Variants in ABI3BP observed in about 807,000 individuals in gnomAD.
The protein encoded by ABI3BP is ABI family member 3 binding protein.
A neutral mutation model predicts 268.6 loss-of-function variants in ABI3BP; 216 were observed. The observed-to-expected ratio is 0.80, with a 90% CI of 0.72 to 0.90. ABI3BP has a LOEUF of 0.90. ABI3BP is among the 40% of genes least tolerant of loss of function. The probability of loss-of-function intolerance (pLI) is 0.00; values close to 1 mark genes in which losing one functional copy is unlikely to be tolerated. For synonymous variants in ABI3BP, 730 were observed against 730.0 expected (o/e 1.00, Z 0.00); for missense variants, 2,090 against 2,182.4 (o/e 0.96, Z 0.84).
chr3:100,793,222 G>GA (rs1482696432), intron 54 of ABI3BP, among the ~76,000 whole-genome samples: 2 of 151,816 alleles, frequency 1.3e-5, no homozygotes, highest in African/African-American at 4.8e-5. Flanking sequence ...TTTCTCATGT[G>GA]AAAATCAGAG....
chr3:100,923,632 A>G (rs967582850), intron 2 of ABI3BP, among the ~76,000 whole-genome samples: 2 of 152,228 alleles, frequency 1.3e-5, no homozygotes, highest in Non-Finnish European at 1.5e-5. Flanking sequence ...ATGAAAATTT[A>G]CCCTGCCTTT....
intron 2 of ABI3BP, among the ~76,000 whole-genome samples, chr3:100,925,423 T>C (rs1182909886): frequency 2.3e-5 from 1 of 42,728 alleles, no homozygotes; most frequent in Admixed American, 3.1e-4. Flanking sequence ...ATATATTTAT[T>C]TATTTATTTG....
intron 61 of ABI3BP, among the ~76,000 whole-genome samples, chr3:100,771,199 C>T (rs1023211890): frequency 6.6e-6 from 1 of 152,088 alleles, no homozygotes; most frequent in African/African-American, 2.4e-5. Context: ...AATTTGATCC[C>T]CCTAAGCATA....
chr3:100,850,193 T>C, intron 16 of ABI3BP, 74 bp from the exon 17 acceptor site: 2 of 1,349,528 alleles, frequency 1.5e-6, no homozygotes, highest in Non-Finnish European at 2.1e-6. Context: ...TTAACATGCT[T>C]TTAGATGGTA....
chr3:100,830,520 T>C (rs1207021050), intron 32 of ABI3BP, 58 bp downstream of exon 32: 19 of 1,417,854 alleles, frequency 1.3e-5, no homozygotes, highest in East Asian at 2.5e-5. Flanking sequence ...ATGATGGTGA[T>C]GAATGGGTTT....
In ABI3BP at chr3:100,824,931, T is replaced by C; in HGVS notation, c.2673A>G (p.Thr891=). The C allele has an allele frequency of 6.5e-7, 1 of 1,535,838 alleles. No homozygotes were observed. The highest frequency in any genetic ancestry group is 8.7e-7 in the Non-Finnish European group (1 of 1,146,520). The change falls in exon 36 of 68, where the codon ACA becomes ACG. Residue 891 remains threonine (T), a synonymous_variant. Transcript: ENST00000471714. ...GACGTGGAGGGCGGGTTCTTTTTGA[T>C]GTTTTGGTAGCTGAAGGAAGAAAAA... ...EIPATTLATK[T]SKRTRPPRPR...
Position 100,763,547 on chromosome 3 carries a change from G to A in ABI3BP, c.4850+2294C>T, listed in dbSNP as rs531411514. Among the ~76,000 whole-genome samples the A allele has an allele frequency of 3.3e-5, 5 of 152,148 alleles. 1 individual carries two copies. The South Asian group carries it at 1.0e-3, about 32-fold the overall frequency. ...GTCTTGAGGTAAGGATAGGTTTTAGGGGTCCTCCTCAGAAGGCCCACTGAC... is the reference window on the plus strand; with the variant it reads ...GTCTTGAGGTAAGGATAGGTTTTAGAGGTCCTCCTCAGAAGGCCCACTGAC... On this transcript the variant is annotated intron_variant, in intron 63 of 67. Coordinates refer to ENST00000471714, the MANE Select transcript of ABI3BP (RefSeq NM_001375547.2).
chr3:100,849,937 T>C, intron 17 of ABI3BP, 108 bp downstream of exon 17: 1 of 892,592 alleles, frequency 1.1e-6, no homozygotes, highest in Non-Finnish European at 1.8e-6. Context: ...AGGGAAATAT[T>C]TAGCAAAAAC....
At position 100,825,034 on chromosome 3, in the gene ABI3BP, T is replaced by C. The variant is rs1485733336; in HGVS notation, c.2663-93A>G. The C allele has an allele frequency of 1.5e-5, 15 of 1,019,774 alleles. No homozygotes were observed. In the East Asian group the frequency reaches 3.9e-4, roughly 27 times the overall value. The allele number at this position is 1,019,774 out of a possible 1,614,324, so 63.2% of individuals were successfully genotyped here. On this transcript the variant is annotated intron_variant, in intron 35 of 67. Coordinates refer to ENST00000471714, the MANE Select transcript of ABI3BP (RefSeq NM_001375547.2). ...CAAAGCTTGTCAGATCTCCTATAGT[T>C]CCAGAAACTTTAGTTGTTTTTAGTT...
At chr3:100,873,576 A>G (rs990875151) in intron 9 of ABI3BP, among the ~76,000 whole-genome samples, 1 of 152,210 alleles carries the variant, frequency 6.6e-6, no homozygotes, top group African/African-American at 2.4e-5. Flanking sequence ...TGACCTGACC[A>G]GAGGGTCTGC....
rs1215918771 is a variant in ABI3BP, at chr3:100,825,906, T to C, written c.2603-62A>G. 3.8e-5 allele frequency: 46 copies of C among 1,202,576 alleles called. No homozygotes were observed. In the Admixed American group the frequency reaches 8.9e-4, roughly 23 times the overall value. The allele number at this position is 1,202,576 out of a possible 1,614,324, so 74.5% of individuals were successfully genotyped here. A position where few individuals can be genotyped will look rare whatever the true frequency, so the allele number is the denominator to read the frequency against. ...ATGTGTGGGAGCTATAGTATTCACA[T>C]CAAAACGTATCTTGCTTGTGTAACA... On this transcript the variant is annotated intron_variant, in intron 34 of 67. Transcript: ENST00000471714.
intron 1 of ABI3BP, among the ~76,000 whole-genome samples, chr3:100,973,975 G>A (rs2153897406): frequency 6.6e-6 from 1 of 152,212 alleles, no homozygotes; most frequent in Middle Eastern, 3.4e-3. Context: ...CGGTTTCTAA[G>A]AAAATGGATC....
At chr3:100,773,630 CA>C (rs1317954084) in intron 61 of ABI3BP, among the ~76,000 whole-genome samples, 2 of 152,112 alleles carry the variant, frequency 1.3e-5, no homozygotes, top group Non-Finnish European at 2.9e-5. Context: ...TATGGCTATA[CA>C]AAGACATGTA....
intron 26 of ABI3BP, among the ~76,000 whole-genome samples, chr3:100,837,481 C>T (rs189720324): frequency 6.3e-4 from 96 of 152,270 alleles, no homozygotes; most frequent in Admixed American, 1.0e-3. Flanking sequence ...TGGCCGGGCA[C>T]GTTGGCTCAT....
Position 100,849,344 on chromosome 3 carries a change from G to A in ABI3BP, c.1502-469C>T, listed in dbSNP as rs371278079. 1.9e-4 allele frequency among the ~76,000 whole-genome samples: 29 copies of A among 150,216 alleles called. No individual in the cohort carries two copies. In the East Asian group the frequency reaches 4.7e-3, roughly 25 times the overall value. ...GAGTTCAAGCAATTCTTGCCTCAGC[G>A]TCCTGAGTAGCTGGGACTACAGGCA... On this transcript the variant is annotated intron_variant, in intron 17 of 67. Coordinates refer to ENST00000471714, the MANE Select transcript of ABI3BP (RefSeq NM_001375547.2).
intron 61 of ABI3BP, among the ~76,000 whole-genome samples, chr3:100,773,546 T>C (rs1030257990): frequency 6.6e-6 from 1 of 152,210 alleles, no homozygotes. Flanking sequence ...AAACAGTCTT[T>C]TAAAATGTTA....
chr3:100,971,561 C>T (rs1046652170), intron 1 of ABI3BP, among the ~76,000 whole-genome samples: 2 of 152,104 alleles, frequency 1.3e-5, no homozygotes, highest in African/African-American at 4.8e-5. Flanking sequence ...ATTAGGGTCA[C>T]CAGGTCCAGG....
intron 1 of ABI3BP, among the ~76,000 whole-genome samples, chr3:100,992,701 A>C (rs1170832156): frequency 6.6e-6 from 1 of 152,224 alleles, no homozygotes; most frequent in African/African-American, 2.4e-5. Flanking sequence ...TTGTAAACAA[A>C]ATACCAACAC....
At chr3:100,906,728 G>A (rs1582893349) in intron 2 of ABI3BP, among the ~76,000 whole-genome samples, 1 of 152,170 alleles carries the variant, frequency 6.6e-6, no homozygotes, top group East Asian at 1.9e-4. Flanking sequence ...GGAGGACAGG[G>A]ACAGTTTACT....
Sources: allele counts gnomAD v4.1 joint callset (sites outside exome capture counted in the v4.1 genomes callset), GRCh38; gene constraint gnomAD v4.1.1; transcripts MANE v1.5; gene names NCBI Gene and HGNC (gene_info 2026-07-23, HGNC 2026-07-21).